PFAS: variants seen among roughly 807,000 people sequenced by gnomAD.
PFAS encodes the protein phosphoribosylformylglycinamidine synthase, also known as FGAM synthase.
In PFAS, 97 loss-of-function variants were observed where a neutral mutation model predicts 140.6. The ratio of observed to expected loss-of-function variants is 0.69; its 90% CI spans 0.59 to 0.82. PFAS has a LOEUF of 0.82. Ranked by LOEUF, PFAS falls within the 40% of genes least tolerant of loss-of-function variation. The probability of loss-of-function intolerance (pLI) is 0.00; values close to 1 mark genes in which losing one functional copy is unlikely to be tolerated. For missense variants in PFAS, 1,656 were observed against 1,780.2 expected, an observed-to-expected ratio of 0.93 and a Z score of 1.26; for synonymous variants, 679 against 718.8, an observed-to-expected ratio of 0.94 and a Z score of 0.88.
At chr17:8,256,019 T>C in intron 6 of PFAS, 109 bp downstream of exon 6, 1 of 912,396 alleles carries the variant, frequency 1.1e-6, no homozygotes, top group Non-Finnish European at 1.7e-6. Flanking sequence ...CCTGAGTCTC[T>C]GAGGGCCTGG....
In PFAS at chr17:8,264,553, G is replaced by A. The variant is rs1227472390; in HGVS notation, c.2001G>A (p.Arg667=). ...TGAGCGTGCACCAGGCTCTGGAGAG[G>A]GTTCTGAGGCTGCCCGCCGTGGCCA... is the stretch of plus-strand genomic sequence containing the variant. ...PGLSVHQALE[R]VLRLPAVASK... The change falls in exon 17 of 28, where the codon AGG becomes AGA. Residue 667 remains arginine (R), a synonymous_variant. Transcript: ENST00000314666. The A allele has an allele frequency of 1.2e-6, 2 of 1,613,298 alleles. No individual in the cohort carries two copies. The highest frequency in any genetic ancestry group is 2.2e-5 in the East Asian group (1 of 44,842).
rs759892673 is a variant in PFAS, at chr17:8,256,335, T to G, written c.749T>G (p.Leu250Arg). 2 of 1,613,804 alleles carry G rather than the reference T, an allele frequency of 1.2e-6. No homozygotes were observed. Among genetic ancestry groups the G allele is most frequent in the Admixed American group, 3.3e-5 (2 of 60,012 alleles). The change falls in exon 7 of 28, where the codon CTG (leucine) becomes CGG (arginine). Residue 250 changes from leucine (L) to arginine (R), a missense_variant. Transcript: ENST00000314666. Reference protein sequence around the residue: ...HVDGQKLVHSLFESIMSTQES... With the variant: ...HVDGQKLVHSRFESIMSTQES... Reference sequence around the variant, plus strand: ...GATGGGCAGAAGCTGGTGCACTCACTGTTTGAGTCCATCATGAGCACCCAG... The same window carrying G: ...GATGGGCAGAAGCTGGTGCACTCACGGTTTGAGTCCATCATGAGCACCCAG...
intron 9 of PFAS, 36 bp from the exon 10 acceptor site, chr17:8,257,771 A>G: frequency 6.2e-7 from 1 of 1,611,978 alleles, no homozygotes; most frequent in Non-Finnish European, 8.5e-7. Flanking sequence ...TTCACAGTTC[A>G]TTCAGTTCAT....
chr17:8,252,104 G>A (rs191127087), intron 1 of PFAS, among the ~76,000 whole-genome samples: 2 of 151,808 alleles, frequency 1.3e-5, no homozygotes, highest in East Asian at 4.0e-4. Context: ...GACCAGCCTG[G>A]CGAACATAGG....
At chr17:8,259,557 G>A (rs930437977) in intron 11 of PFAS, among the ~76,000 whole-genome samples, 1 of 148,788 alleles carries the variant, frequency 6.7e-6, no homozygotes, top group African/African-American at 2.5e-5. Flanking sequence ...CAAGGCAGGG[G>A]GATTACTTGA....
chr17:8,266,531 C>A lies in PFAS; in HGVS notation c.2821+178C>A. On this transcript the variant is annotated intron_variant, in intron 22 of 27. Coordinates refer to ENST00000314666, the MANE Select transcript of PFAS (RefSeq NM_012393.3). This position sits in a 1 kb window ranked among gnomAD's most constrained non-coding sequence, Gnocchi z 5.0. ...CTGGATGGAACTGGCTGACACCCAC[C>A]ATGTTCCTGACTGCACCCCTCTGAG... 6.9e-7 allele frequency: 1 copy of A among 1,453,860 alleles called. No homozygotes were observed. The highest frequency in any genetic ancestry group is 2.7e-5 in the Admixed American group (1 of 36,508). 90.1% of individuals were successfully genotyped at this position (1,453,860 alleles called of 1,614,324 possible).
Position 8,269,649 on chromosome 17 carries a change from C to T in PFAS, c.*385C>T, listed in dbSNP as rs1989955088. On this transcript the variant is annotated 3_prime_UTR_variant, in exon 28 of 28. Transcript: ENST00000314666. ...AGGGATGTTTTGCGCTCCCTTTTCT[C>T]ATCATTGGGGTTAGCGGGTGCAGAC... 3 of 205,430 alleles carry T rather than the reference C, an allele frequency of 1.5e-5. No homozygotes were observed. The highest frequency in any genetic ancestry group is 2.1e-4 in the South Asian group (2 of 9,486). The allele number at this position is 205,430 out of a possible 1,614,324, so 12.7% of individuals were successfully genotyped here. A position where few individuals can be genotyped will look rare whatever the true frequency, so the allele number is the denominator to read the frequency against.
At chr17:8,263,470 G>C in intron 13 of PFAS, 105 bp from the exon 14 acceptor site, 1 of 1,110,434 alleles carries the variant, frequency 9.0e-7, no homozygotes, top group Non-Finnish European at 1.4e-6. Flanking sequence ...GGCAGCAGTT[G>C]ACACAGGAAC....
chr17:8,261,674 G>A (rs1266034718), intron 11 of PFAS, among the ~76,000 whole-genome samples: 4 of 148,998 alleles, frequency 2.7e-5, no homozygotes, highest in Admixed American at 6.7e-5. Flanking sequence ...GCAGTGGTGC[G>A]ATCTCAGCTC....
intron 20 of PFAS, 74 bp downstream of exon 20, chr17:8,265,713 G>A: frequency 7.0e-7 from 1 of 1,434,358 alleles, no homozygotes; most frequent in Non-Finnish European, 9.8e-7. Flanking sequence ...GTGAGTGCTG[G>A]GCCCCCATCT....
chr17:8,263,083 C>G (rs1227920676), intron 12 of PFAS, 26 bp from the exon 13 acceptor site: 2 of 1,613,338 alleles, frequency 1.2e-6, no homozygotes, highest in South Asian at 2.2e-5. Context: ...TCTCGCTGAG[C>G]TGAGCTATGC....
chr17:8,269,082 G>T lies in PFAS; in HGVS notation c.3835G>T (p.Gly1279Trp). The change falls in exon 28 of 28, where the codon GGG becomes TGG. Residue 1279 changes from glycine to tryptophan, a missense_variant. Physicochemically the swap from Gly to Trp is radical, Grantham distance 184. Around this residue, in one of 2 missense-constraint regions of PFAS, gnomAD observed 883 missense variants for 1,023.0 expected, o/e 0.86. Transcript: ENST00000314666. ...CCCTCTGAATCCCAATGGGTCCCCA[G>T]GGGGCGTGGCTGGCATCTGCTCCTG... ...QYPLNPNGSP[G>W]GVAGICSCDG... 6.2e-7 allele frequency: 1 copy of T among 1,614,162 alleles called. No individual in the cohort carries two copies. The highest frequency in any genetic ancestry group is 8.5e-7 in the Non-Finnish European group (1 of 1,179,996).
chr17:8,249,903 T>G (rs1401756709), intron 1 of PFAS, among the ~76,000 whole-genome samples: 1 of 152,210 alleles, frequency 6.6e-6, no homozygotes, highest in African/African-American at 2.4e-5. Flanking sequence ...CATGCCCACG[T>G]AGAGATTTTT....
chr17:8,248,410 ATT>A (rs35534210), upstream of PFAS, among the ~76,000 whole-genome samples: 33 of 67,648 alleles, frequency 4.9e-4, no homozygotes, highest in African/African-American at 1.6e-3. Context: ...CGCCCGGCTA[ATT>A]TTTTTTTTTT....
upstream of PFAS, chr17:8,247,814 G>A: frequency 1.6e-6 from 1 of 616,604 alleles, no homozygotes; most frequent in South Asian, 1.9e-5. Flanking sequence ...CACAGCGGGC[G>A]CCGCGTGAAT....
chr17:8,247,866 G>T, upstream of PFAS: 1 of 798,920 alleles, frequency 1.3e-6, no homozygotes, highest in Non-Finnish European at 2.1e-6. Flanking sequence ...GGTAGGAGCG[G>T]ACCGACTCAC....
chr17:8,256,941 C>G lies in PFAS; in HGVS notation c.1053C>G (p.Cys351Trp). 1 of 1,614,200 alleles carries G rather than the reference C, an allele frequency of 6.2e-7. No individual in the cohort carries two copies. Among genetic ancestry groups the G allele is most frequent in the Non-Finnish European group, 8.5e-7 (1 of 1,180,030 alleles). Residue 351 changes from cysteine (C) to tryptophan (W), a missense_variant, in exon 9 of 28, where the codon TGC becomes TGG. Around this residue, in one of 2 missense-constraint regions of PFAS, gnomAD observed 773 missense variants for 757.3 expected, o/e 1.02. Transcript: ENST00000314666. ...AHVVAGTAGY[C>W]FGNLHIPGYN... is the part of the protein sequence containing the mutation. ...TGGTGGCTGGCACTGCCGGCTATTG[C>G]TTTGGAAATCTGCATATTCCAGGTT... is the stretch of plus-strand genomic sequence containing the variant.
rs1989951379 is a variant in PFAS at position 8,269,500 on chromosome 17, G to T, written c.*236G>T. ...ATGCCCTTTCTCAGCCCAGGAAACA[G>T]CATGTGGTTCAGAGAAAAGAGCGAC... is the stretch of plus-strand genomic sequence containing the variant. On this transcript the variant is annotated 3_prime_UTR_variant, in exon 28 of 28. Coordinates refer to ENST00000314666, the MANE Select transcript of PFAS (RefSeq NM_012393.3). 5 of 502,852 alleles carry T rather than the reference G, an allele frequency of 9.9e-6. 1 individual carries two copies. The Admixed American group carries it at 1.0e-4, about 10-fold the overall frequency. 31.1% of individuals were successfully genotyped at this position (502,852 alleles called of 1,614,324 possible).
At chr17:8,260,917 C>G (rs1419222057) in intron 11 of PFAS, among the ~76,000 whole-genome samples, 1 of 152,156 alleles carries the variant, frequency 6.6e-6, no homozygotes, top group East Asian at 1.9e-4. Flanking sequence ...AGCCACCGCG[C>G]CCGGCCTATG....
Sources: allele counts gnomAD v4.1 joint callset (sites outside exome capture counted in the v4.1 genomes callset), GRCh38; gene constraint gnomAD v4.1.1; regional missense constraint gnomAD v4.1.1; non-coding constraint Gnocchi (gnomAD v3.1); transcripts MANE v1.5; gene names NCBI Gene and HGNC (gene_info 2026-07-23, HGNC 2026-07-21).